The following HS6ST2 variants were observed in gnomAD, a reference collection of about 807,000 sequenced individuals.
HS6ST2 encodes the protein heparan sulfate 6-O-sulfotransferase 2.
In HS6ST2, 17 loss-of-function variants were observed where a neutral mutation model predicts 33.0. The ratio of observed to expected loss-of-function variants is 0.52; its 90% CI spans 0.35 to 0.77. The LOEUF is 0.77. Among genes scored for constraint, HS6ST2 ranks in the 30% least tolerant of loss-of-function variants. The probability of loss-of-function intolerance (pLI) is 0.01; values close to 1 mark genes in which losing one functional copy is unlikely to be tolerated. For missense variants in HS6ST2, 519 were observed against 551.7 expected (o/e 0.94, Z 0.59); for synonymous variants, 248 against 237.1 (o/e 1.05, Z -0.42).
At chrX:132,780,187 A>G (rs2148330767) in intron 2 of HS6ST2, among the ~76,000 whole-genome samples, 1 of 110,086 alleles carries the variant, frequency 9.1e-6, no homozygotes, top group East Asian at 2.8e-4. Flanking sequence ...TTACACATCA[A>G]GAGTTCTGGT....
chrX:132,793,048 CTTTTTTTTT>C (rs755535720), intron 2 of HS6ST2, among the ~76,000 whole-genome samples: 15 of 53,244 alleles, frequency 2.8e-4, no homozygotes, highest in East Asian at 2.1e-3. Context: ...AAATAAACTC[CTTTTTTTTT>C]TTTTTTTTTT....
chrX:132,673,621 G>A (rs749794823), intron 3 of HS6ST2, among the ~76,000 whole-genome samples: 20 of 111,834 alleles, frequency 1.8e-4, no homozygotes, highest in Non-Finnish European at 3.2e-4. Context: ...TTTGTTTCAA[G>A]TCTCTCTGAG....
Position 132,958,536 on chromosome X carries a change from C to T in HS6ST2, c.67G>A (p.Val23Ile), listed in dbSNP as rs1276990594. ...PPRQPERGAP[V>I]RTTCPRRHSR... is the part of the protein sequence containing the mutation. ...TGCCGGCGGGGACAGGTGGTGCGGA[C>T]GGGCGCTCCTCGCTCCGGTTGCCGC... Residue 23 changes from valine to isoleucine, a missense_variant, in exon 1 of 5, where the codon GTC becomes ATC. Coordinates refer to ENST00000370833, the MANE Select transcript of HS6ST2 (RefSeq NM_001394073.1). 8.4e-7 allele frequency: 1 copy of T among 1,184,538 alleles called. No homozygotes were observed. Among genetic ancestry groups the T allele is most frequent in the Admixed American group, 2.3e-5 (1 of 43,090 alleles).
intron 2 of HS6ST2, among the ~76,000 whole-genome samples, chrX:132,932,855 T>A (rs967253732): frequency 5.6e-5 from 6 of 106,297 alleles, no homozygotes; most frequent in Non-Finnish European, 1.9e-5. Context: ...TTTCTGTATT[T>A]AGAATAGAAT....
rs1395640141 is a variant in HS6ST2 at position 132,938,935 on chromosome X, G to A, written c.947+17873C>T. ...TATCTGGCTTACAGTTCTGCAGGCT[G>A]TACAGCTAGCATAGTGTTGGCTTCT... On this transcript the variant is annotated intron_variant, in intron 2 of 4. Coordinates refer to ENST00000370833, the MANE Select transcript of HS6ST2 (RefSeq NM_001394073.1). Among the ~76,000 whole-genome samples the A allele has an allele frequency of 3.6e-5, 4 of 112,233 alleles. No homozygotes were observed. In the East Asian group the frequency reaches 1.1e-3, roughly 31 times the overall value.
At chrX:132,746,028 ATG>A (rs1491063425) in intron 2 of HS6ST2, among the ~76,000 whole-genome samples, 64 of 111,947 alleles carry the variant, frequency 5.7e-4, no homozygotes, top group Admixed American at 5.0e-3. Flanking sequence ...AAAAAAAGAG[ATG>A]TTTTGCTCAC....
intron 2 of HS6ST2, among the ~76,000 whole-genome samples, chrX:132,930,833 AC>A (rs1221714650): frequency 8.9e-6 from 1 of 111,864 alleles, no homozygotes; most frequent in Non-Finnish European, 1.9e-5. Context: ...CAGTGGAACC[AC>A]AGACAAAAAA....
At chrX:132,877,412 A>G (rs2066117781) in intron 2 of HS6ST2, among the ~76,000 whole-genome samples, 1 of 112,070 alleles carries the variant, frequency 8.9e-6, no homozygotes. Context: ...GCATTTTTTC[A>G]AATTATGTAT....
chrX:132,821,210 C>CTT (rs397895430), intron 2 of HS6ST2, among the ~76,000 whole-genome samples: 4 of 77,063 alleles, frequency 5.2e-5, no homozygotes, highest in African/African-American at 5.2e-5. Flanking sequence ...CATTCCCATT[C>CTT]TTTTTTTTTT....
At chrX:132,872,462 A>C (rs1260693017) in intron 2 of HS6ST2, among the ~76,000 whole-genome samples, 2 of 111,861 alleles carry the variant, frequency 1.8e-5, no homozygotes, top group African/African-American at 6.5e-5. Context: ...ATGGAGGAGA[A>C]GTGACTTACC....
At chrX:132,857,111 T>TA (rs2065858585) in intron 2 of HS6ST2, among the ~76,000 whole-genome samples, 1 of 112,461 alleles carries the variant, frequency 8.9e-6, no homozygotes, top group Non-Finnish European at 1.9e-5. Flanking sequence ...ATCTTTGGGC[T>TA]AAACAAATTG....
At chrX:132,645,905 C>G (rs1477311187) in intron 4 of HS6ST2, among the ~76,000 whole-genome samples, 1 of 112,022 alleles carries the variant, frequency 8.9e-6, no homozygotes, top group Non-Finnish European at 1.9e-5. Context: ...CAAAACACAT[C>G]TTCTTCTTCA....
intron 4 of HS6ST2, among the ~76,000 whole-genome samples, chrX:132,630,348 G>C (rs1463826994): frequency 2.7e-5 from 3 of 112,136 alleles, no homozygotes; most frequent in Non-Finnish European, 5.6e-5. Flanking sequence ...GAGCCACAGG[G>C]AACCTGCTCA....
chrX:132,957,808 T>G, intron 1 of HS6ST2, among the ~76,000 whole-genome samples: 1 of 111,622 alleles, frequency 9.0e-6, no homozygotes, highest in Non-Finnish European at 1.9e-5. Context: ...CGCACACCTC[T>G]GTCCGGGTTT....
At chrX:132,742,929 T>C (rs2064595372) in intron 2 of HS6ST2, among the ~76,000 whole-genome samples, 1 of 111,681 alleles carries the variant, frequency 9.0e-6, no homozygotes, top group South Asian at 3.8e-4. Context: ...CAGCAGTGCA[T>C]GTTTGAAAGT....
At chrX:132,655,467 T>A (rs893831643) in intron 4 of HS6ST2, among the ~76,000 whole-genome samples, 3 of 111,950 alleles carry the variant, frequency 2.7e-5, no homozygotes, top group Non-Finnish European at 5.6e-5. Flanking sequence ...TCTCCCCATT[T>A]TACAAATGAG....
At chrX:132,799,005 T>C (rs180954715) in intron 2 of HS6ST2, among the ~76,000 whole-genome samples, 5 of 112,083 alleles carry the variant, frequency 4.5e-5, no homozygotes, top group East Asian at 2.8e-4. Flanking sequence ...GTTTGCTAAA[T>C]AAGTTATTAG....
intron 2 of HS6ST2, chrX:132,735,491 C>T (rs781392816): frequency 8.9e-6 from 1 of 112,036 alleles, no homozygotes; most frequent in African/African-American, 3.2e-5. Context: ...CGACCCGTGA[C>T]AAAAAATTCA....
At chrX:132,853,317 CT>C (rs57523861) in intron 2 of HS6ST2, among the ~76,000 whole-genome samples, 34,983 of 93,868 alleles carry the variant, frequency 0.37, 6,007 homozygotes, top group African/African-American at 0.57. Context: ...GGGTGCCTGG[CT>C]TTTTTTTTTT....
Sources: allele counts gnomAD v4.1 joint callset (sites outside exome capture counted in the v4.1 genomes callset), GRCh38; gene constraint gnomAD v4.1.1; transcripts MANE v1.5; gene names NCBI Gene and HGNC (gene_info 2026-07-23, HGNC 2026-07-21).